Variants in ANKRD12 observed in about 807,000 individuals in gnomAD.
ANKRD12 encodes ankyrin repeat domain 12.
A neutral mutation model predicts 183.4 loss-of-function variants in ANKRD12; 85 were observed. The ratio of observed to expected loss-of-function variants is 0.46; its 90% confidence interval spans 0.39 to 0.56. The LOEUF (loss-of-function observed/expected upper bound fraction) is 0.56, where lower values mean the gene tolerates loss of function less well. ANKRD12 is among the 20% of genes least tolerant of loss of function. The probability of loss-of-function intolerance (pLI) is 0.00; values close to 1 mark genes in which losing one functional copy is unlikely to be tolerated. For synonymous variants in ANKRD12, 914 were observed against 800.2 expected (o/e 1.14, Z -2.40); for missense variants, 2,405 against 2,357.1 (o/e 1.02, Z -0.42).
At chr18:9,279,725 G>A in intron 12 of ANKRD12, 81 bp downstream of exon 12, 1 of 774,262 alleles carries the variant, frequency 1.3e-6, no homozygotes, top group Non-Finnish European at 2.1e-6. Context: ...GTATTAGGGA[G>A]AAATAATTAG....
At position 9,211,577 on chromosome 18, in the gene ANKRD12, C is replaced by T. The variant is rs767819715; in HGVS notation, c.452-7C>T. On this transcript the variant is annotated splice_region_variant and splice_polypyrimidine_tract_variant and intron_variant, in intron 5 of 12. Coordinates refer to ENST00000262126, the MANE Select transcript of ANKRD12 (RefSeq NM_015208.5). ...AGAACTTCTGCTAACTTTCTTCTTT[C>T]TTACAGATTCCACACCAAATCATCC... The T allele has an allele frequency of 2.5e-6, 4 of 1,612,764 alleles. No homozygotes were observed. Among genetic ancestry groups the T allele is most frequent in the Non-Finnish European group, 3.4e-6 (4 of 1,179,278 alleles).
intron 8 of ANKRD12, among the ~76,000 whole-genome samples, chr18:9,245,783 T>C (rs1416859985): frequency 1.3e-5 from 2 of 152,232 alleles, no homozygotes; most frequent in Non-Finnish European, 2.9e-5. Flanking sequence ...AGGGTTGTTT[T>C]GTCAATATAC....
At chr18:9,172,078 G>A (rs903981546) in intron 1 of ANKRD12, among the ~76,000 whole-genome samples, 3 of 149,684 alleles carry the variant, frequency 2.0e-5, no homozygotes, top group African/African-American at 7.4e-5. Context: ...TTTTTGGCTA[G>A]TAGGGTTTCC....
chr18:9,218,939 G>A (rs1389185926), intron 7 of ANKRD12, among the ~76,000 whole-genome samples: 1 of 152,012 alleles, frequency 6.6e-6, no homozygotes, highest in African/African-American at 2.4e-5. Flanking sequence ...GGGATTATGG[G>A]CATTAGCCAC....
intron 3 of ANKRD12, among the ~76,000 whole-genome samples, chr18:9,201,988 C>T (rs2035199662): frequency 6.6e-6 from 1 of 151,932 alleles, no homozygotes; most frequent in South Asian, 2.1e-4. Context: ...CCACCACACC[C>T]AGCTAATTTT....
chr18:9,255,629 T>G lies in ANKRD12; in HGVS notation c.2362T>G (p.Leu788Val). The G allele has an allele frequency of 3.2e-6, 5 of 1,571,524 alleles. No homozygotes were observed. Among genetic ancestry groups the G allele is most frequent in the Non-Finnish European group, 4.3e-6 (5 of 1,168,714 alleles). ...AGATAAAGACTCAGAATTTACTTCT[T>G]TGGGTATGAGTGCCATTGAGGAATC... is the stretch of plus-strand genomic sequence containing the variant. ...PTDKDSEFTSLGMSAIEESIG... is the reference protein window; with the variant it reads ...PTDKDSEFTSVGMSAIEESIG... The change falls in exon 9 of 13, where the codon TTG becomes GTG. Residue 788 changes from leucine to valine, a missense_variant. By Grantham distance (32) the Leu-to-Val change is conservative (BLOSUM62 1). Coordinates refer to ENST00000262126, the MANE Select transcript of ANKRD12 (RefSeq NM_015208.5).
In ANKRD12 at chr18:9,257,240, A is replaced by G; in HGVS notation, c.3973A>G (p.Thr1325Ala). Residue 1325 changes from threonine (T) to alanine (A), a missense_variant, in exon 9 of 13, where the codon ACA becomes GCA. Physicochemically the swap from Thr to Ala is moderately conservative, Grantham distance 58 (BLOSUM62 0). Transcript: ENST00000262126. ...VICEHTKQFQ[T>A]ISEESNQGSL... ...TTGTGAACATACCAAACAATTCCAA[A>G]CAATATCAGAAGAGAGCAATCAAGG... 1 of 1,614,156 alleles carries G rather than the reference A, an allele frequency of 6.2e-7. No individual in the cohort carries two copies. Among genetic ancestry groups the G allele is most frequent in the Non-Finnish European group, 8.5e-7 (1 of 1,180,000 alleles).
At chr18:9,147,085 A>G (rs2078516809) in intron 1 of ANKRD12, among the ~76,000 whole-genome samples, 1 of 152,216 alleles carries the variant, frequency 6.6e-6, no homozygotes, top group Non-Finnish European at 1.5e-5. Context: ...AGCTCTCCAC[A>G]ACTGCATCAA....
At chr18:9,138,507 C>T (rs1055848267) in intron 1 of ANKRD12, among the ~76,000 whole-genome samples, 1 of 152,130 alleles carries the variant, frequency 6.6e-6, no homozygotes, top group African/African-American at 2.4e-5. Context: ...GAGCGAAACT[C>T]CGTCGCAAAA....
chr18:9,253,038 A>G (rs750182663), intron 8 of ANKRD12, among the ~76,000 whole-genome samples: 1 of 152,292 alleles, frequency 6.6e-6, no homozygotes, highest in South Asian at 2.1e-4. Context: ...AAATGTATAT[A>G]TAAATATGTG....
intron 8 of ANKRD12, among the ~76,000 whole-genome samples, chr18:9,241,063 G>A (rs879584902): frequency 6.6e-6 from 1 of 152,110 alleles, no homozygotes; most frequent in Non-Finnish European, 1.5e-5. Flanking sequence ...AAGTCAAAAT[G>A]TACCAGAATT....
chr18:9,139,666 CTAA>C (rs970714666), intron 1 of ANKRD12, among the ~76,000 whole-genome samples: 3 of 152,136 alleles, frequency 2.0e-5, no homozygotes, highest in African/African-American at 7.2e-5. Flanking sequence ...AAGAATTTGT[CTAA>C]TAATTGCTGT....
intron 12 of ANKRD12, 46 bp from the exon 13 acceptor site, chr18:9,280,895 C>T (rs767197721): frequency 6.4e-7 from 1 of 1,569,412 alleles, no homozygotes; most frequent in South Asian, 1.2e-5. Context: ...TTAAACAAAG[C>T]AAAGTTAACA....
At chr18:9,273,302 T>C (rs1293138860) in intron 10 of ANKRD12, among the ~76,000 whole-genome samples, 1 of 152,214 alleles carries the variant, frequency 6.6e-6, no homozygotes, top group Admixed American at 6.5e-5. Context: ...CTCTGCATAT[T>C]ACATAATAAT....
chr18:9,234,795 A>G (rs1010754828), intron 8 of ANKRD12, among the ~76,000 whole-genome samples: 6 of 152,144 alleles, frequency 3.9e-5, no homozygotes, highest in African/African-American at 1.4e-4. Context: ...CAGGGTCTCC[A>G]AATCGCTGCC....
At chr18:9,196,963 G>T (rs556135135) in intron 3 of ANKRD12, among the ~76,000 whole-genome samples, 3 of 151,856 alleles carry the variant, frequency 2.0e-5, no homozygotes, top group South Asian at 2.1e-4. Flanking sequence ...AACTCTTCTC[G>T]CATATTGTTA....
chr18:9,236,021 T>C (rs981001239), intron 8 of ANKRD12, among the ~76,000 whole-genome samples: 5 of 152,106 alleles, frequency 3.3e-5, no homozygotes, highest in African/African-American at 1.2e-4. Flanking sequence ...ATGTTTTCTA[T>C]GCTTTTGAGA....
Position 9,283,426 on chromosome 18 carries a change from G to A in ANKRD12, c.*2300G>A, listed in dbSNP as rs918800773. 1 of 152,130 alleles carries A rather than the reference G, an allele frequency of 6.6e-6. No individual in the cohort carries two copies. The highest frequency in any genetic ancestry group is 2.4e-5 in the African/African-American group (1 of 41,426). 9.4% of individuals were successfully genotyped at this position (152,130 alleles called of 1,614,324 possible). On this transcript the variant is annotated 3_prime_UTR_variant, in exon 13 of 13. Coordinates refer to ENST00000262126, the MANE Select transcript of ANKRD12 (RefSeq NM_015208.5). Reference sequence around the variant, plus strand: ...AATTTCTTTTATAAAGAGACTCAAAGCTAATGATAGCTTAAAAGAAAAGTT... The same window carrying A: ...AATTTCTTTTATAAAGAGACTCAAAACTAATGATAGCTTAAAAGAAAAGTT...
chr18:9,138,597 G>A (rs1343081774), intron 1 of ANKRD12, among the ~76,000 whole-genome samples: 3 of 152,220 alleles, frequency 2.0e-5, no homozygotes, highest in African/African-American at 4.8e-5. Flanking sequence ...ACTGATCTGA[G>A]TTTCTTTAAT....
Sources: allele counts gnomAD v4.1 joint callset (sites outside exome capture counted in the v4.1 genomes callset), GRCh38; gene constraint gnomAD v4.1.1; transcripts MANE v1.5; gene names NCBI Gene and HGNC (gene_info 2026-07-23, HGNC 2026-07-21).